The following DAB1 variants were observed in gnomAD, a reference collection of about 807,000 sequenced individuals.
DAB1 encodes disabled homolog 1.
In DAB1, 15 loss-of-function variants were observed where a neutral mutation model predicts 64.6. The observed-to-expected ratio is 0.23, with a 90% CI of 0.16 to 0.36. The LOEUF is 0.36. DAB1 is among the 10% of genes least tolerant of loss of function. The pLI, the probability that DAB1 is intolerant of heterozygous loss-of-function variation, is 1.00. For missense variants in DAB1, 596 were observed against 706.7 expected, an observed-to-expected ratio of 0.84 and a Z score of 1.78; for synonymous variants, 235 against 251.9, an observed-to-expected ratio of 0.93 and a Z score of 0.64.
intron 6 of DAB1, among the ~76,000 whole-genome samples, chr1:57,709,193 A>G (rs570580901): frequency 6.6e-6 from 1 of 151,768 alleles, no homozygotes; most frequent in East Asian, 1.9e-4. Context: ...TTACTTCCTT[A>G]TTTCTCTTTG....
chr1:57,392,611 C>A (rs533278673), intron 1 of DAB1, among the ~76,000 whole-genome samples: 7 of 152,196 alleles, frequency 4.6e-5, no homozygotes, highest in South Asian at 4.2e-4. Flanking sequence ...TAATTCTGAC[C>A]AAAAGAGTTT....
intron 6 of DAB1, among the ~76,000 whole-genome samples, chr1:57,722,786 A>C (rs1249900090): frequency 6.6e-6 from 1 of 152,208 alleles, no homozygotes; most frequent in Non-Finnish European, 1.5e-5. Flanking sequence ...GCCAGGTGGC[A>C]CTGACATATG....
At chr1:57,598,820 G>T (rs1367560816) in intron 7 of DAB1, among the ~76,000 whole-genome samples, 2 of 152,148 alleles carry the variant, frequency 1.3e-5, no homozygotes, top group African/African-American at 2.4e-5. Flanking sequence ...AACAGAGCAG[G>T]TTTACATCCA....
At chr1:57,378,476 C>G (rs533551685) in intron 1 of DAB1, among the ~76,000 whole-genome samples, 1 of 152,218 alleles carries the variant, frequency 6.6e-6, no homozygotes, top group Non-Finnish European at 1.5e-5. Flanking sequence ...ATAAAGCCAC[C>G]CATTCTGCCC....
intron 5 of DAB1, among the ~76,000 whole-genome samples, chr1:57,945,344 C>T (rs1465907647): frequency 1.3e-5 from 2 of 152,062 alleles, no homozygotes; most frequent in African/African-American, 2.4e-5. Context: ...ACTGCAGCCT[C>T]GAATTCCTGG....
At chr1:58,214,273 C>T (rs1005928187) in intron 4 of DAB1, among the ~76,000 whole-genome samples, 1 of 152,154 alleles carries the variant, frequency 6.6e-6, no homozygotes, top group Non-Finnish European at 1.5e-5. Context: ...CTGAACTAGA[C>T]GCCTCACTGA....
At chr1:58,221,521 T>A (rs1049753602) in intron 4 of DAB1, among the ~76,000 whole-genome samples, 2 of 152,270 alleles carry the variant, frequency 1.3e-5, no homozygotes, top group Middle Eastern at 3.4e-3. Context: ...GCAGAAAACA[T>A]CCCCAGCACA....
At chr1:57,286,814 A>G (rs902395388) in intron 2 of DAB1, among the ~76,000 whole-genome samples, 5 of 152,168 alleles carry the variant, frequency 3.3e-5, no homozygotes, top group Non-Finnish European at 5.9e-5. Flanking sequence ...AGATACAAAA[A>G]CCATTCCTTA....
chr1:57,394,320 C>T (rs1682634053), intron 1 of DAB1, among the ~76,000 whole-genome samples: 1 of 152,220 alleles, frequency 6.6e-6, no homozygotes, highest in Admixed American at 6.5e-5. Context: ...CACTTGCTTT[C>T]CAACAGCAAC....
chr1:57,968,484 C>T (rs1367154800), intron 5 of DAB1, among the ~76,000 whole-genome samples: 2 of 152,062 alleles, frequency 1.3e-5, no homozygotes, highest in African/African-American at 2.4e-5. Flanking sequence ...AAAAACAAAC[C>T]TCTGTCTGTC....
chr1:57,408,311 A>G (rs1006498992), intron 1 of DAB1, among the ~76,000 whole-genome samples: 2 of 152,122 alleles, frequency 1.3e-5, no homozygotes, highest in African/African-American at 4.8e-5. Flanking sequence ...GGCAGCATAT[A>G]CTACACCACA....
chr1:57,520,903 G>A (rs1243523472), intron 7 of DAB1, among the ~76,000 whole-genome samples: 2 of 151,996 alleles, frequency 1.3e-5, no homozygotes, highest in African/African-American at 2.4e-5. Context: ...AAGAGAGGGA[G>A]CAGGACAGTC....
intron 3 of DAB1, among the ~76,000 whole-genome samples, chr1:58,406,933 T>C (rs190939260): frequency 1.8e-3 from 279 of 152,252 alleles, no homozygotes; most frequent in Non-Finnish European, 2.0e-3. Flanking sequence ...CTACCCGACA[T>C]GCCACCAACT....
chr1:58,387,219 G>T (rs981016197), intron 3 of DAB1, among the ~76,000 whole-genome samples: 1 of 152,220 alleles, frequency 6.6e-6, no homozygotes, highest in South Asian at 2.1e-4. Context: ...CACTGCAGAG[G>T]CCAAGGGAAA....
intron 7 of DAB1, among the ~76,000 whole-genome samples, chr1:57,543,722 C>T (rs145963835): frequency 9.9e-4 from 150 of 152,116 alleles, no homozygotes; most frequent in African/African-American, 3.3e-3. Context: ...ATGGCATTGC[C>T]GAGCAGAGAA....
At chr1:57,966,059 C>A (rs1349887369) in intron 5 of DAB1, among the ~76,000 whole-genome samples, 1 of 152,072 alleles carries the variant, frequency 6.6e-6, no homozygotes, top group African/African-American at 2.4e-5. Context: ...TTATTCAATG[C>A]ACAAATGGAT....
intron 1 of DAB1, among the ~76,000 whole-genome samples, chr1:57,358,007 C>A (rs370094873): frequency 2.6e-5 from 4 of 152,148 alleles, no homozygotes; most frequent in Admixed American, 2.0e-4. Flanking sequence ...TTGTATCCTG[C>A]AACTCTACTG....
downstream of DAB1, among the ~76,000 whole-genome samples, chr1:57,823,539 A>T (rs1282811915): frequency 1.3e-5 from 2 of 152,126 alleles, no homozygotes. Flanking sequence ...ATTTCTAGAA[A>T]GAAATAGATA....
At chr1:57,074,017 C>A (rs1651756098) in intron 4 of DAB1, among the ~76,000 whole-genome samples, 1 of 152,154 alleles carries the variant, frequency 6.6e-6, no homozygotes, top group Admixed American at 6.5e-5. Flanking sequence ...GCTGGGACTA[C>A]AGGCATATGC....
Sources: gnomAD v4.1 joint callset for allele counts (sites outside exome capture counted in the v4.1 genomes callset) on GRCh38, gnomAD v4.1.1 for gene constraint, MANE v1.5 for transcripts, NCBI Gene and HGNC (gene_info 2026-07-23, HGNC 2026-07-21) for gene names.